Variants in CA5A observed in about 807,000 individuals in gnomAD.
CA5A encodes the protein carbonic anhydrase 5A, mitochondrial.
In CA5A, 28 loss-of-function variants were observed where a neutral mutation model predicts 37.1. The ratio of observed to expected loss-of-function variants is 0.75; its 90% CI spans 0.56 to 1.03. The LOEUF is 1.03. Among genes scored for constraint, CA5A ranks in the 50% least tolerant of loss-of-function variants. The pLI is 0.00. For synonymous variants in CA5A, 171 were observed against 158.4 expected, an observed-to-expected ratio of 1.08 and a Z score of -0.60; for missense variants, 444 against 399.9, an observed-to-expected ratio of 1.11 and a Z score of -0.94.
chr16:87,903,738 C>A (rs1355205119), intron 3 of CA5A, among the ~76,000 whole-genome samples: 1 of 152,038 alleles, frequency 6.6e-6, no homozygotes, highest in South Asian at 2.1e-4. Context: ...ACAACAAGTT[C>A]AAAAAACAGA....
At chr16:87,895,210 A>G (rs1242651223) in intron 5 of CA5A, among the ~76,000 whole-genome samples, 1 of 152,008 alleles carries the variant, frequency 6.6e-6, no homozygotes, top group African/African-American at 2.4e-5. Context: ...TGATCATACC[A>G]CTGCACTCTA....
chr16:87,915,472 C>CA (rs2056123880), intron 2 of CA5A, among the ~76,000 whole-genome samples: 1 of 149,952 alleles, frequency 6.7e-6, no homozygotes. Flanking sequence ...GAGAAGCTTG[C>CA]AGTGAGCCCA....
At chr16:87,896,289 C>T (rs544315980) in intron 5 of CA5A, among the ~76,000 whole-genome samples, 1 of 152,244 alleles carries the variant, frequency 6.6e-6, no homozygotes, top group Admixed American at 6.5e-5. Context: ...CATGCCACTG[C>T]GGGTAGGTTT....
intron 2 of CA5A, chr16:87,924,302 G>T (rs978641729): frequency 2.0e-5 from 20 of 985,320 alleles, no homozygotes; most frequent in Non-Finnish European, 1.2e-6. Flanking sequence ...ACCGTGAATG[G>T]CACTGAGCAT....
At chr16:87,901,312 C>T (rs1247471671) in intron 5 of CA5A, among the ~76,000 whole-genome samples, 1 of 152,218 alleles carries the variant, frequency 6.6e-6, no homozygotes, top group Non-Finnish European at 1.5e-5. Flanking sequence ...TCTTCAGGAT[C>T]TCGCCTGCAT....
chr16:87,929,451 CAAAAAAA>C (rs138039345), intron 1 of CA5A, among the ~76,000 whole-genome samples: 1 of 88,134 alleles, frequency 1.1e-5, no homozygotes, highest in Non-Finnish European at 2.4e-5. Context: ...AATTCGGTCT[CAAAAAAA>C]AAAAAAAAAA....
At chr16:87,923,091 C>A (rs564380184) in intron 2 of CA5A, among the ~76,000 whole-genome samples, 16 of 152,364 alleles carry the variant, frequency 1.1e-4, no homozygotes, top group African/African-American at 3.1e-4. Flanking sequence ...TTGGCAGTCG[C>A]CCCTTCTCTG....
At chr16:87,902,678 G>A (rs34923506) in intron 3 of CA5A, among the ~76,000 whole-genome samples, 158 bp from the exon 4 acceptor site, 8 of 151,950 alleles carry the variant, frequency 5.3e-5, no homozygotes, top group African/African-American at 9.7e-5. Context: ...AGGCGGAGGC[G>A]GGTGGATCAC....
intron 2 of CA5A, among the ~76,000 whole-genome samples, chr16:87,909,815 T>C (rs2056024299): frequency 6.6e-6 from 1 of 152,184 alleles, no homozygotes; most frequent in African/African-American, 2.4e-5. Context: ...CTTTAAAAAC[T>C]GGAAAGCCGT....
rs111288621 is a variant in CA5A, at chr16:87,926,556, G to A, written c.340+192C>T. Among the ~76,000 whole-genome samples the A allele has an allele frequency of 2.9e-3, 437 of 152,326 alleles. 3 individuals carry two copies. The highest frequency in any genetic ancestry group is 9.9e-3 in the African/African-American group (412 of 41,578). On this transcript the variant is annotated intron_variant, in intron 2 of 6. Transcript: ENST00000649794. ...TTCTCATCTGTAAAGTGAGCACCAGGCTCCTGTCCCCTCGAGAACCTTCAC... is the reference window on the plus strand; with the variant it reads ...TTCTCATCTGTAAAGTGAGCACCAGACTCCTGTCCCCTCGAGAACCTTCAC...
At chr16:87,923,385 AC>A (rs2030269063) in intron 2 of CA5A, 1 of 200,182 alleles carries the variant, frequency 5.0e-6, no homozygotes, top group African/African-American at 2.4e-5. Context: ...ATGGGGTTTC[AC>A]CATGTTGGCC....
chr16:87,932,876 G>A (rs1215973519), intron 1 of CA5A, among the ~76,000 whole-genome samples: 1 of 152,192 alleles, frequency 6.6e-6, no homozygotes. Flanking sequence ...ATTGTCACTA[G>A]GCTTGGCCAC....
At chr16:87,906,945 A>G (rs1206290590) in intron 2 of CA5A, among the ~76,000 whole-genome samples, 1 of 151,994 alleles carries the variant, frequency 6.6e-6, no homozygotes, top group Non-Finnish European at 1.5e-5. Context: ...GGCCAGGCAC[A>G]GTGGCTCACG....
rs1262370109 is a variant in CA5A at position 87,902,579 on chromosome 16, C to G, written c.460-59G>C. On this transcript the variant is annotated intron_variant, in intron 3 of 6. Transcript: ENST00000649794. Reference sequence around the variant, plus strand: ...CAGCAAGAAATAAGACAGTCACTTCCCCTTCTGAATGGCTGACCTATGTGT... The same window carrying G: ...CAGCAAGAAATAAGACAGTCACTTCGCCTTCTGAATGGCTGACCTATGTGT... 4.3e-6 allele frequency: 4 copies of G among 930,920 alleles called. No homozygotes were observed. In the African/African-American group the frequency reaches 6.5e-5, roughly 15 times the overall value. The allele number at this position is 930,920 out of a possible 1,614,324, so 57.7% of individuals were successfully genotyped here. A position where few individuals can be genotyped will look rare whatever the true frequency, so the allele number is the denominator to read the frequency against.
intron 4 of CA5A, 62 bp from the exon 5 acceptor site, chr16:87,902,036 C>T (rs1481956909): frequency 1.1e-5 from 15 of 1,425,958 alleles, no homozygotes; most frequent in Non-Finnish European, 1.4e-5. Flanking sequence ...GAAGCTCACT[C>T]CACTGTAAAT....
chr16:87,923,448 A>G (rs2056258303), intron 2 of CA5A: 3 of 719,596 alleles, frequency 4.2e-6, no homozygotes, highest in African/African-American at 1.9e-5. Flanking sequence ...TCGGCTTCCC[A>G]AAGTGCTGGG....
chr16:87,897,196 G>T (rs1467966272), intron 5 of CA5A, among the ~76,000 whole-genome samples: 1 of 152,256 alleles, frequency 6.6e-6, no homozygotes, highest in Non-Finnish European at 1.5e-5. Flanking sequence ...CCCTGGACCT[G>T]GTGGGCTGTT....
At chr16:87,908,320 G>T (rs1026814984) in intron 2 of CA5A, among the ~76,000 whole-genome samples, 2 of 152,198 alleles carry the variant, frequency 1.3e-5, no homozygotes, top group African/African-American at 4.8e-5. Context: ...AGGGCGGGCA[G>T]GATAAATGGA....
intron 4 of CA5A, chr16:87,882,751 T>C (rs1384288145): frequency 6.6e-6 from 1 of 152,336 alleles, no homozygotes; most frequent in African/African-American, 2.4e-5. Flanking sequence ...ATCGATGGAA[T>C]CGAAGTCAGG....
Sources: gnomAD v4.1 joint callset for allele counts (sites outside exome capture counted in the v4.1 genomes callset) on GRCh38, gnomAD v4.1.1 for gene constraint, MANE v1.5 for transcripts, NCBI Gene and HGNC (gene_info 2026-07-23, HGNC 2026-07-21) for gene names.